Variants in STAU1 observed in about 807,000 individuals in gnomAD.
The protein encoded by STAU1 is staufen double-stranded RNA binding protein 1.
In STAU1, 13 loss-of-function variants were observed where a neutral mutation model predicts 62.9. That is an observed-to-expected ratio of 0.21 (90% CI 0.13 to 0.33). STAU1 has a LOEUF of 0.33. Ranked by LOEUF, STAU1 falls within the 10% of genes least tolerant of loss-of-function variation. The pLI is 1.00. For missense variants in STAU1, 571 were observed against 712.1 expected, an observed-to-expected ratio of 0.80 and a Z score of 2.25; for synonymous variants, 269 against 265.1, an observed-to-expected ratio of 1.01 and a Z score of -0.14.
chr20:49,117,562 T>A lies in STAU1; in HGVS notation c.1509+215A>T, dbSNP rs2092358020. On this transcript the variant is annotated intron_variant, in intron 11 of 13. Transcript: ENST00000371856. This position sits in a 1 kb window ranked among gnomAD's most constrained non-coding sequence, Gnocchi z 4.6. ...GAAGCTTTTAGGGTTGGCTTGCATG[T>A]TGAAATCTTACTACCAAAGGATAAA... Among the ~76,000 whole-genome samples, 2 of 152,254 alleles carry A rather than the reference T, an allele frequency of 1.3e-5. No homozygotes were observed. The highest frequency in any genetic ancestry group is 2.9e-5 in the Non-Finnish European group (2 of 68,046).
chr20:49,187,892 A>G (rs1195350406), intron 1 of STAU1, among the ~76,000 whole-genome samples: 1 of 146,896 alleles, frequency 6.8e-6, no homozygotes, highest in South Asian at 2.3e-4. Context: ...TGAGGGCTGG[A>G]GGGGATGGGG....
chr20:49,202,459 G>A, the STAU1 span, among the ~76,000 whole-genome samples: 1 of 151,682 alleles, frequency 6.6e-6, no homozygotes, highest in Non-Finnish European at 1.5e-5. Context: ...AGCTACTGGG[G>A]AGGCTGAGGC....
chr20:49,201,874 GT>G, the STAU1 span, among the ~76,000 whole-genome samples: 1 of 151,970 alleles, frequency 6.6e-6, no homozygotes. Flanking sequence ...AGCATTAAAT[GT>G]TTATATTAGA....
chr20:49,179,317 C>T (rs193206635), intron 1 of STAU1: 5 of 151,802 alleles, frequency 3.3e-5, no homozygotes, highest in African/African-American at 9.7e-5. Context: ...AAGCTTATTT[C>T]ACTTTTATTC....
At chr20:49,177,310 T>C (rs1446715535) in intron 1 of STAU1, among the ~76,000 whole-genome samples, 3 of 150,958 alleles carry the variant, frequency 2.0e-5, no homozygotes, top group Non-Finnish European at 4.4e-5. Context: ...CCGAGGCAGG[T>C]GGATCGCTTG....
chr20:49,134,466 C>T (rs1345106420), intron 6 of STAU1: 5 of 648,730 alleles, frequency 7.7e-6, no homozygotes, highest in African/African-American at 2.2e-5. Context: ...GGTTGAAACC[C>T]GGGCGCCGCC....
At chr20:49,195,957 T>C in the STAU1 span, among the ~76,000 whole-genome samples, 1 of 106,486 alleles carries the variant, frequency 9.4e-6, no homozygotes, top group Non-Finnish European at 2.0e-5. Flanking sequence ...AACAACGTAA[T>C]GGCTGGGCCG....
chr20:49,213,519 C>T, the STAU1 span, among the ~76,000 whole-genome samples: 4 of 152,106 alleles, frequency 2.6e-5, no homozygotes, highest in African/African-American at 7.2e-5. Context: ...TGAGCCACCG[C>T]GCCTGGCCTA....
the STAU1 span, among the ~76,000 whole-genome samples, chr20:49,206,358 AG>A: frequency 6.6e-6 from 1 of 150,452 alleles, no homozygotes; most frequent in Non-Finnish European, 1.5e-5. Context: ...AATTTTAAGA[AG>A]CTTATCATGA....
chr20:49,136,598 G>C lies in STAU1; in HGVS notation c.511-667C>G, dbSNP rs189778319. ...CTCAAGTAGTGGGAAGCCACATTTTGGAAAAGTCAAAATACAGACAGATAT... is the reference window on the plus strand; with the variant it reads ...CTCAAGTAGTGGGAAGCCACATTTTCGAAAAGTCAAAATACAGACAGATAT... On this transcript the variant is annotated intron_variant, in intron 5 of 13. Transcript: ENST00000371856. Among the ~76,000 whole-genome samples, 4 of 152,262 alleles carry C rather than the reference G, an allele frequency of 2.6e-5. No individual in the cohort carries two copies. The East Asian group carries it at 7.7e-4, about 29-fold the overall frequency.
Position 49,141,724 on chromosome 20 carries a change from A to C in STAU1, c.511-5793T>G, listed in dbSNP as rs185492666. Among the ~76,000 whole-genome samples, 287 of 152,234 alleles carry C rather than the reference A, an allele frequency of 1.9e-3. 3 individuals are homozygous for C. The highest frequency in any genetic ancestry group is 6.8e-3 in the Middle Eastern group (2 of 294). On this transcript the variant is annotated intron_variant, in intron 5 of 13. Transcript: ENST00000371856. ...AGCCTGGCCAACATGACGAAACCCC[A>C]TCTCTACTAAAAATACAGAAAGTAG...
chr20:49,177,179 C>T (rs899296702), intron 1 of STAU1, among the ~76,000 whole-genome samples: 2 of 150,534 alleles, frequency 1.3e-5, no homozygotes, highest in East Asian at 2.0e-4. Flanking sequence ...CAAAGTGCTG[C>T]GATTACAGGC....
chr20:49,194,700 G>GCC, the STAU1 span, among the ~76,000 whole-genome samples: 1 of 152,016 alleles, frequency 6.6e-6, no homozygotes, highest in Admixed American at 6.6e-5. Flanking sequence ...TGCCTCGGCA[G>GCC]CCCAAGTAGC....
intron 12 of STAU1, 70 bp from the exon 13 acceptor site, chr20:49,115,937 G>T: frequency 7.3e-7 from 1 of 1,360,648 alleles, no homozygotes; most frequent in South Asian, 1.2e-5. Context: ...CACTGGTCAG[G>T]CAGGCAAGAG....
At chr20:49,162,795 T>TTA (rs1208848439) in intron 3 of STAU1, among the ~76,000 whole-genome samples, 1 of 148,844 alleles carries the variant, frequency 6.7e-6, no homozygotes, top group Non-Finnish European at 1.5e-5. Flanking sequence ...AAAAACAGAT[T>TTA]TATAAAGTAA....
At chr20:49,157,029 ACCATG>A (rs529505869) in intron 3 of STAU1, among the ~76,000 whole-genome samples, 71 of 152,148 alleles carry the variant, frequency 4.7e-4, no homozygotes, top group African/African-American at 1.7e-3. Context: ...GGCACCTGCC[ACCATG>A]CCCGGCTAAT....
chr20:49,206,515 C>T, the STAU1 span, among the ~76,000 whole-genome samples: 6 of 131,514 alleles, frequency 4.6e-5, no homozygotes, highest in African/African-American at 5.8e-5. Context: ...GGCCATCTTC[C>T]GTTTTTTTTT....
rs1486374768 is a variant in STAU1, at chr20:49,120,088, T to C, written c.1007A>G (p.Asn336Ser). 9.3e-6 allele frequency: 15 copies of C among 1,614,082 alleles called. No individual in the cohort carries two copies. The highest frequency in any genetic ancestry group is 2.7e-5 in the African/African-American group (2 of 74,948). The change falls in exon 9 of 14, where the codon AAC becomes AGC. Residue 336 changes from asparagine to serine, a missense_variant. By Grantham distance (46) the Asn-to-Ser change is conservative (BLOSUM62 1). Coordinates refer to ENST00000371856, the MANE Select transcript of STAU1 (RefSeq NM_017453.4). ...TGCATTGCGCTTGGCCACCTTCTTG[T>C]TGGTGCCCGTTCCTTCTGCAGTGTG... Reference protein sequence around the residue: ...GNHTAEGTGTNKKVAKRNAAE... With the variant: ...GNHTAEGTGTSKKVAKRNAAE...
intron 3 of STAU1, among the ~76,000 whole-genome samples, chr20:49,156,785 T>C (rs939334551): frequency 6.6e-6 from 1 of 152,216 alleles, no homozygotes. Context: ...TGGTCTTATC[T>C]TGATAATTCA....
Sources: allele counts gnomAD v4.1 joint callset (sites outside exome capture counted in the v4.1 genomes callset), GRCh38; gene constraint gnomAD v4.1.1; non-coding constraint Gnocchi (gnomAD v3.1); transcripts MANE v1.5; gene names NCBI Gene and HGNC (gene_info 2026-07-23, HGNC 2026-07-21).